Variants in CPA6 observed in about 807,000 individuals in gnomAD.
CPA6 encodes carboxypeptidase A6.
In CPA6, 58 loss-of-function variants were observed where a neutral mutation model predicts 63.3. The observed-to-expected ratio is 0.92, with a 90% CI of 0.74 to 1.14. The LOEUF (loss-of-function observed/expected upper bound fraction) is 1.14, where lower values mean the gene tolerates loss of function less well. CPA6 is among the 50% of genes most tolerant of loss of function. CPA6 has a pLI of 0.00. For missense variants in CPA6, 565 were observed against 526.6 expected (o/e 1.07, Z -0.71); for synonymous variants, 185 against 179.0 (o/e 1.03, Z -0.27).
intron 9 of CPA6, among the ~76,000 whole-genome samples, chr8:67,428,820 C>T (rs931001305): frequency 2.0e-5 from 3 of 152,080 alleles, no homozygotes; most frequent in Admixed American, 6.5e-5. Flanking sequence ...AATACTTGGC[C>T]GGGCAGGGAC....
chr8:67,428,369 T>A (rs1478419162), intron 9 of CPA6, among the ~76,000 whole-genome samples: 2 of 152,186 alleles, frequency 1.3e-5, no homozygotes, highest in Non-Finnish European at 2.9e-5. Flanking sequence ...ATTTTATAGA[T>A]GAGAGAAGGA....
chr8:67,742,531 A>G (rs1163945104), intron 1 of CPA6, among the ~76,000 whole-genome samples: 1 of 152,166 alleles, frequency 6.6e-6, no homozygotes, highest in African/African-American at 2.4e-5. Context: ...TGAGGATAAC[A>G]AATGCATAAG....
chr8:67,586,208 G>T (rs1038418707), intron 2 of CPA6, among the ~76,000 whole-genome samples: 45 of 152,200 alleles, frequency 3.0e-4, no homozygotes, highest in Non-Finnish European at 2.5e-4. Context: ...TATATGTTCT[G>T]TTAGGGGGTT....
intron 8 of CPA6, among the ~76,000 whole-genome samples, chr8:67,462,114 C>A (rs1810826899): frequency 6.6e-6 from 1 of 151,992 alleles, no homozygotes; most frequent in South Asian, 2.1e-4. Context: ...GTCTGTCTAG[C>A]CATCTATTTT....
intron 2 of CPA6, among the ~76,000 whole-genome samples, chr8:67,590,316 T>C (rs1229413689): frequency 6.6e-6 from 1 of 151,648 alleles, no homozygotes; most frequent in Non-Finnish European, 1.5e-5. Flanking sequence ...TGGTTCCAAG[T>C]CTTTGCTATT....
At chr8:67,502,618 C>T (rs1454567519) in intron 6 of CPA6, among the ~76,000 whole-genome samples, 1 of 152,134 alleles carries the variant, frequency 6.6e-6, no homozygotes, top group Non-Finnish European at 1.5e-5. Context: ...ACCTTTAGTG[C>T]TATACATTTC....
intron 2 of CPA6, among the ~76,000 whole-genome samples, chr8:67,540,843 C>G (rs1044594442): frequency 1.3e-5 from 2 of 152,296 alleles, no homozygotes; most frequent in East Asian, 1.9e-4. Flanking sequence ...TGATGGTGGA[C>G]GCCCCTCCCC....
chr8:67,596,124 T>C (rs1417509584), intron 2 of CPA6, among the ~76,000 whole-genome samples: 1 of 152,224 alleles, frequency 6.6e-6, no homozygotes, highest in Non-Finnish European at 1.5e-5. Context: ...GAATTGATCT[T>C]TTATGTTCTA....
intron 1 of CPA6, among the ~76,000 whole-genome samples, chr8:67,732,256 C>A (rs1208272892): frequency 6.6e-6 from 1 of 152,206 alleles, no homozygotes; most frequent in Non-Finnish European, 1.5e-5. Context: ...CCACATTCCT[C>A]CGAAAGCCGT....
At chr8:67,447,447 T>C (rs928510810) in intron 8 of CPA6, among the ~76,000 whole-genome samples, 15 of 152,008 alleles carry the variant, frequency 9.9e-5, no homozygotes, top group Admixed American at 9.2e-4. Context: ...TGAGTGCTTT[T>C]ATTTCTATGG....
At chr8:67,625,985 T>G (rs1815185794) in intron 1 of CPA6, among the ~76,000 whole-genome samples, 1 of 152,068 alleles carries the variant, frequency 6.6e-6, no homozygotes, top group Admixed American at 6.6e-5. Flanking sequence ...TGATAGTGAG[T>G]GATTTCTCAC....
intron 2 of CPA6, among the ~76,000 whole-genome samples, chr8:67,567,295 C>T (rs1485766478): frequency 6.6e-6 from 1 of 152,052 alleles, no homozygotes; most frequent in African/African-American, 2.4e-5. Context: ...TTTGAGATGT[C>T]CTCTTAAAAA....
intron 2 of CPA6, among the ~76,000 whole-genome samples, chr8:67,593,403 G>A (rs1313141057): frequency 3.3e-5 from 5 of 152,046 alleles, no homozygotes; most frequent in South Asian, 2.1e-4. Context: ...TATTAGGTCC[G>A]CTTGGTGCAG....
intron 8 of CPA6, among the ~76,000 whole-genome samples, chr8:67,435,049 C>T (rs555344637): frequency 2.6e-5 from 4 of 152,320 alleles, no homozygotes; most frequent in South Asian, 2.1e-4. Flanking sequence ...CTCCATCTGG[C>T]CCCCTTCCCT....
chr8:67,486,386 T>C (rs1438408338), intron 6 of CPA6, among the ~76,000 whole-genome samples: 3 of 152,232 alleles, frequency 2.0e-5, no homozygotes, highest in Non-Finnish European at 2.9e-5. Flanking sequence ...ATAGGGAAAA[T>C]GGCTGAAATT....
At chr8:67,456,834 G>A (rs549162744) in intron 8 of CPA6, among the ~76,000 whole-genome samples, 1 of 152,348 alleles carries the variant, frequency 6.6e-6, no homozygotes, top group Admixed American at 6.5e-5. Context: ...TTATAAGAGG[G>A]AGATTTGAAT....
At chr8:67,541,853 A>T (rs1044152720) in intron 2 of CPA6, among the ~76,000 whole-genome samples, 2 of 152,294 alleles carry the variant, frequency 1.3e-5, no homozygotes, top group East Asian at 3.9e-4. Flanking sequence ...TCCCAATGAG[A>T]GGAACCAGGT....
At chr8:67,430,216 G>A (rs911815398) in intron 9 of CPA6, among the ~76,000 whole-genome samples, 1 of 134,610 alleles carries the variant, frequency 7.4e-6, no homozygotes, top group African/African-American at 2.8e-5. Flanking sequence ...TTTTGCTCTT[G>A]TCGCCCAGGC....
chr8:67,496,916 C>A (rs1811732593), intron 6 of CPA6, among the ~76,000 whole-genome samples: 1 of 152,110 alleles, frequency 6.6e-6, no homozygotes, highest in Non-Finnish European at 1.5e-5. Flanking sequence ...ACCCCCTAAT[C>A]CTATCCTCTT....
Sources: allele counts gnomAD v4.1 joint callset (sites outside exome capture counted in the v4.1 genomes callset), GRCh38; gene constraint gnomAD v4.1.1; transcripts MANE v1.5; gene names NCBI Gene and HGNC (gene_info 2026-07-23, HGNC 2026-07-21).